The following YES1 variants were observed in gnomAD, a reference collection of about 807,000 sequenced individuals.
YES1 encodes the protein tyrosine-protein kinase Yes.
In YES1, 39 loss-of-function variants were observed where a neutral mutation model predicts 70.4. The observed-to-expected ratio is 0.55, with a 90% CI of 0.43 to 0.72. YES1 has a LOEUF of 0.72. YES1 is among the 30% of genes least tolerant of loss of function. The pLI, the probability that YES1 is intolerant of heterozygous loss-of-function variation, is 0.00. For missense variants in YES1, 495 were observed against 644.8 expected (o/e 0.77, Z 2.52); for synonymous variants, 198 against 218.6 (o/e 0.91, Z 0.83).
intron 11 of YES1, among the ~76,000 whole-genome samples, chr18:731,835 C>T (rs80050365): frequency 8.6e-5 from 13 of 151,802 alleles, no homozygotes; most frequent in Admixed American, 1.3e-4. Context: ...GGCGTGGTGG[C>T]GGGTGCCTAT....
At chr18:781,552 C>T (rs931738848) in intron 1 of YES1, among the ~76,000 whole-genome samples, 1 of 152,128 alleles carries the variant, frequency 6.6e-6, no homozygotes, top group Non-Finnish European at 1.5e-5. Context: ...TATTTCTATC[C>T]TTCTCTGAGC....
At chr18:800,052 A>T (rs1333361582) in intron 1 of YES1, among the ~76,000 whole-genome samples, 1 of 152,234 alleles carries the variant, frequency 6.6e-6, no homozygotes, top group Non-Finnish European at 1.5e-5. Flanking sequence ...ACTGCATCAA[A>T]CCTTAGTTTC....
chr18:751,405 C>G (rs2080341053), intron 3 of YES1, among the ~76,000 whole-genome samples: 1 of 152,086 alleles, frequency 6.6e-6, no homozygotes, highest in Non-Finnish European at 1.5e-5. Flanking sequence ...GCATCAAACT[C>G]TCTTTATAAA....
Position 743,004 on chromosome 18 carries a change from T to C in YES1, c.974A>G (p.Lys325Arg), listed in dbSNP as rs1188367598. 6.2e-7 allele frequency: 1 copy of C among 1,612,228 alleles called. No individual in the cohort carries two copies. Among genetic ancestry groups the C allele is most frequent in the South Asian group, 1.1e-5 (1 of 90,300 alleles). The change falls in exon 8 of 12, where the codon AAA becomes AGA. Residue 325 changes from lysine to arginine, a missense_variant. Around this residue, in one of 2 missense-constraint regions of YES1, gnomAD observed 385 missense variants for 540.9 expected, o/e 0.71. Transcript: ENST00000314574. ...AACAAGTTTATCATGTCTTAATTTT[T>C]TCATTATCTGAGCTTCTTGAAGGAA... ...EAFLQEAQIM[K>R]KLRHDKLVPL...
chr18:758,351 C>T (rs1904399401), intron 1 of YES1, among the ~76,000 whole-genome samples: 1 of 152,096 alleles, frequency 6.6e-6, no homozygotes, highest in Non-Finnish European at 1.5e-5. Flanking sequence ...AGATCTATAC[C>T]TTTTCCCTTC....
At chr18:732,339 C>G (rs1427974050) in intron 11 of YES1, among the ~76,000 whole-genome samples, 5 of 147,228 alleles carry the variant, frequency 3.4e-5, no homozygotes, top group Non-Finnish European at 7.4e-5. Flanking sequence ...ACTTGGGAGG[C>G]TGAGGCAGGA....
chr18:765,247 ACT>A (rs1491437650), intron 1 of YES1, among the ~76,000 whole-genome samples: 8 of 62,382 alleles, frequency 1.3e-4, no homozygotes, highest in East Asian at 8.7e-4. Context: ...AAGAGTTACA[ACT>A]ATATATATAT....
chr18:727,536 G>C (rs1327311766), intron 11 of YES1, among the ~76,000 whole-genome samples: 3 of 151,816 alleles, frequency 2.0e-5, no homozygotes, highest in Non-Finnish European at 4.4e-5. Context: ...TTTTTAATTT[G>C]ATTAAACAAG....
intron 10 of YES1, 152 bp downstream of exon 10, chr18:736,656 C>G (rs2080156595): frequency 9.8e-7 from 1 of 1,023,918 alleles, no homozygotes; most frequent in South Asian, 2.2e-5. Context: ...CAGAAAGCCA[C>G]AGCAGTACAT....
chr18:750,813 GGAAA>G (rs1167781444), intron 3 of YES1, among the ~76,000 whole-genome samples: 1 of 151,978 alleles, frequency 6.6e-6, no homozygotes, highest in Non-Finnish European at 1.5e-5. Flanking sequence ...GCTAAATAAA[GGAAA>G]GAAATGGAAA....
intron 1 of YES1, among the ~76,000 whole-genome samples, chr18:796,942 T>G (rs371384968): frequency 1.3e-4 from 20 of 152,108 alleles, no homozygotes; most frequent in African/African-American, 4.8e-4. Flanking sequence ...ACAACATACA[T>G]AAAATCCAGA....
At chr18:779,908 CTTTTTTTTT>C (rs1204936148) in intron 1 of YES1, among the ~76,000 whole-genome samples, 2 of 142,596 alleles carry the variant, frequency 1.4e-5, no homozygotes, top group East Asian at 4.0e-4. Flanking sequence ...GTATGTAGTC[CTTTTTTTTT>C]TTTTTTCTTA....
chr18:766,406 T>C (rs1904911304), intron 1 of YES1, among the ~76,000 whole-genome samples: 5 of 152,126 alleles, frequency 3.3e-5, no homozygotes, highest in Admixed American at 3.3e-4. Context: ...TAAAAACTGC[T>C]AATTAAATGT....
At chr18:787,663 T>C (rs1314945591) in intron 1 of YES1, among the ~76,000 whole-genome samples, 1 of 151,640 alleles carries the variant, frequency 6.6e-6, no homozygotes, top group Non-Finnish European at 1.5e-5. Context: ...TGAGCTGAAA[T>C]CGCGCCACTG....
At chr18:745,454 G>A (rs1416857048) in intron 6 of YES1, among the ~76,000 whole-genome samples, 4 of 152,128 alleles carry the variant, frequency 2.6e-5, no homozygotes, top group Non-Finnish European at 5.9e-5. Context: ...GTGGTGAAAT[G>A]AACTCCAATG....
At chr18:772,320 C>T (rs1313188975) in intron 1 of YES1, among the ~76,000 whole-genome samples, 2 of 152,090 alleles carry the variant, frequency 1.3e-5, no homozygotes, top group African/African-American at 4.8e-5. Flanking sequence ...TGAGCCACCG[C>T]ACCCGGCCTG....
chr18:788,708 C>T (rs1906090033), intron 1 of YES1, among the ~76,000 whole-genome samples: 1 of 152,134 alleles, frequency 6.6e-6, no homozygotes, highest in Non-Finnish European at 1.5e-5. Flanking sequence ...TCACTTGAAG[C>T]CAGGAGTTTG....
At chr18:762,415 A>G (rs1598915328) in intron 1 of YES1, among the ~76,000 whole-genome samples, 1 of 152,354 alleles carries the variant, frequency 6.6e-6, no homozygotes, top group East Asian at 1.9e-4. Context: ...AACAAAATTT[A>G]TCTGTAGGCC....
chr18:778,253 G>A (rs959874243), intron 1 of YES1, among the ~76,000 whole-genome samples: 10 of 152,156 alleles, frequency 6.6e-5, no homozygotes, highest in African/African-American at 2.4e-4. Flanking sequence ...CTACCCATAC[G>A]ATCTTCAGGG....
Sources: allele counts gnomAD v4.1 joint callset (sites outside exome capture counted in the v4.1 genomes callset), GRCh38; gene constraint gnomAD v4.1.1; regional missense constraint gnomAD v4.1.1; transcripts MANE v1.5; gene names NCBI Gene and HGNC (gene_info 2026-07-23, HGNC 2026-07-21).